ASIC2: variants seen among roughly 807,000 people sequenced by gnomAD.
ASIC2 encodes the protein acid sensing ion channel subunit 2.
ASIC2 carries 25 observed loss-of-function variants against 57.3 expected under a neutral mutation model. The ratio of observed to expected loss-of-function variants is 0.44; its 90% CI spans 0.32 to 0.61. The LOEUF is 0.61. ASIC2 is among the 20% of genes least tolerant of loss of function. The probability of loss-of-function intolerance (pLI) is 0.06; values close to 1 mark genes in which losing one functional copy is unlikely to be tolerated. For missense variants in ASIC2, 641 were observed against 738.1 expected, an observed-to-expected ratio of 0.87 and a Z score of 1.52; for synonymous variants, 319 against 307.5, an observed-to-expected ratio of 1.04 and a Z score of -0.39.
chr17:33,625,769 A>G (rs1232936395), intron 1 of ASIC2, among the ~76,000 whole-genome samples: 2 of 152,234 alleles, frequency 1.3e-5, no homozygotes, highest in African/African-American at 4.8e-5. Flanking sequence ...TTTTAAGGAG[A>G]ACAAGCTCAT....
chr17:33,914,805 T>C (rs912319410), intron 1 of ASIC2, among the ~76,000 whole-genome samples: 1 of 152,194 alleles, frequency 6.6e-6, no homozygotes, highest in African/African-American at 2.4e-5. Context: ...AAGGGAGCCA[T>C]GGTTTTCTGA....
At chr17:33,105,365 G>A (rs2092230860) in intron 2 of ASIC2, among the ~76,000 whole-genome samples, 1 of 152,216 alleles carries the variant, frequency 6.6e-6, no homozygotes, top group African/African-American at 2.4e-5. Context: ...CTGCTGCCAT[G>A]TAAGATGTGC....
At chr17:33,105,658 C>T (rs756295369) in intron 2 of ASIC2, among the ~76,000 whole-genome samples, 1 of 152,176 alleles carries the variant, frequency 6.6e-6, no homozygotes, top group African/African-American at 2.4e-5. Flanking sequence ...AAGTATGGAA[C>T]TTTCTAGAGA....
chr17:33,212,799 C>A (rs1907330019), intron 1 of ASIC2, among the ~76,000 whole-genome samples: 1 of 152,176 alleles, frequency 6.6e-6, no homozygotes, highest in South Asian at 2.1e-4. Context: ...TCAATTTGAA[C>A]CAATGCATTC....
intron 1 of ASIC2, among the ~76,000 whole-genome samples, chr17:33,594,348 G>A (rs1319910810): frequency 6.6e-6 from 1 of 152,234 alleles, no homozygotes; most frequent in Non-Finnish European, 1.5e-5. Context: ...GGGATGGCTG[G>A]ATCAGGTGCA....
At chr17:33,549,103 A>G (rs1915669246) in intron 1 of ASIC2, among the ~76,000 whole-genome samples, 1 of 152,140 alleles carries the variant, frequency 6.6e-6, no homozygotes, top group African/African-American at 2.4e-5. Flanking sequence ...TGTTTCCTTG[A>G]TGCATTGCAG....
chr17:34,061,201 C>T (rs1265164028), intron 1 of ASIC2, among the ~76,000 whole-genome samples: 1 of 152,116 alleles, frequency 6.6e-6, no homozygotes, highest in Admixed American at 6.5e-5. Flanking sequence ...CTTTAGCCTC[C>T]TCAAACAAAA....
At chr17:34,036,283 A>T (rs2142041567) in intron 1 of ASIC2, among the ~76,000 whole-genome samples, 1 of 149,908 alleles carries the variant, frequency 6.7e-6, no homozygotes, top group African/African-American at 2.4e-5. Context: ...CAAAAAACCA[A>T]ACATCGCATG....
intron 1 of ASIC2, among the ~76,000 whole-genome samples, chr17:33,380,341 G>C (rs1909443900): frequency 6.6e-6 from 1 of 151,200 alleles, no homozygotes; most frequent in Admixed American, 6.6e-5. Flanking sequence ...TCATGTACAT[G>C]ATGATGATGA....
At chr17:33,984,905 C>T (rs754966886) in intron 1 of ASIC2, among the ~76,000 whole-genome samples, 5 of 152,216 alleles carry the variant, frequency 3.3e-5, no homozygotes, top group African/African-American at 7.2e-5. Flanking sequence ...CTCATAAGCA[C>T]ATCCCTGTCC....
chr17:33,448,529 T>C (rs964442599), intron 1 of ASIC2, among the ~76,000 whole-genome samples: 2 of 152,178 alleles, frequency 1.3e-5, no homozygotes, highest in Admixed American at 1.3e-4. Flanking sequence ...GAGGACAATG[T>C]GAGGATGGAG....
intron 1 of ASIC2, among the ~76,000 whole-genome samples, chr17:33,526,702 C>A (rs1914894831): frequency 6.7e-6 from 1 of 150,014 alleles, no homozygotes; most frequent in African/African-American, 2.5e-5. Context: ...GGCTATGAGA[C>A]CCTGCTTGCC....
chr17:33,809,945 C>T (rs1356499709), intron 1 of ASIC2, among the ~76,000 whole-genome samples: 3 of 152,214 alleles, frequency 2.0e-5, no homozygotes, highest in African/African-American at 7.2e-5. Context: ...GCTATCTCCA[C>T]CTGCTTGAAT....
At chr17:33,212,254 T>C (rs574196321) in intron 1 of ASIC2, among the ~76,000 whole-genome samples, 42 of 152,298 alleles carry the variant, frequency 2.8e-4, no homozygotes, top group African/African-American at 8.4e-4. Flanking sequence ...AAGAAGATTA[T>C]CCTGGATTAT....
chr17:33,679,832 G>T (rs117064728), intron 1 of ASIC2, among the ~76,000 whole-genome samples: 2,710 of 152,072 alleles, frequency 0.018, 39 homozygotes, highest in South Asian at 0.026. Flanking sequence ...AGAAGGTCAC[G>T]GAAAAAAAAC....
chr17:34,106,458 G>A (rs972810415), intron 1 of ASIC2, among the ~76,000 whole-genome samples: 2 of 151,914 alleles, frequency 1.3e-5, no homozygotes, highest in African/African-American at 4.8e-5. Context: ...TTGATTAGTT[G>A]GCCCTCAGCA....
intron 1 of ASIC2, among the ~76,000 whole-genome samples, chr17:33,766,058 C>T: frequency 6.6e-6 from 1 of 152,148 alleles, no homozygotes; most frequent in East Asian, 1.9e-4. Flanking sequence ...AATGGTCCCT[C>T]TTTATTGGAG....
chr17:33,907,267 A>G (rs1390785576), intron 1 of ASIC2, among the ~76,000 whole-genome samples: 1 of 152,168 alleles, frequency 6.6e-6, no homozygotes, highest in Non-Finnish European at 1.5e-5. Context: ...GGGTCAGGCG[A>G]TAAGACAACT....
intron 1 of ASIC2, among the ~76,000 whole-genome samples, chr17:33,227,844 C>A (rs1597640138): frequency 6.6e-6 from 1 of 152,330 alleles, no homozygotes; most frequent in East Asian, 1.9e-4. Context: ...GAGCTCAGAC[C>A]ATCTTGCTCC....
Sources: allele counts gnomAD v4.1 joint callset (sites outside exome capture counted in the v4.1 genomes callset), GRCh38; gene constraint gnomAD v4.1.1; transcripts MANE v1.5; gene names NCBI Gene and HGNC (gene_info 2026-07-23, HGNC 2026-07-21).